IL1RAPL1: variants seen among roughly 807,000 people sequenced by gnomAD.
The protein encoded by IL1RAPL1 is interleukin-1 receptor accessory protein-like 1.
In IL1RAPL1, 3 loss-of-function variants were observed where a neutral mutation model predicts 48.4. The ratio of observed to expected loss-of-function variants is 0.06; its 90% CI spans 0.03 to 0.16. The LOEUF is 0.16. Ranked by LOEUF, IL1RAPL1 falls within the 10% of genes least tolerant of loss-of-function variation. The pLI is 1.00. For missense variants in IL1RAPL1, 349 were observed against 530.6 expected (o/e 0.66, Z 3.36); for synonymous variants, 185 against 187.7 (o/e 0.99, Z 0.12).
intron 3 of IL1RAPL1, among the ~76,000 whole-genome samples, chrX:29,350,819 G>A (rs747759294): frequency 1.8e-5 from 2 of 111,570 alleles, no homozygotes; most frequent in Non-Finnish European, 3.8e-5. Flanking sequence ...TTAGAAGTAC[G>A]TTGGTCTTTA....
intron 1 of IL1RAPL1, among the ~76,000 whole-genome samples, chrX:28,785,479 A>G (rs1294515676): frequency 9.0e-6 from 1 of 111,143 alleles, no homozygotes; most frequent in East Asian, 2.9e-4. Context: ...TGTATCCTTA[A>G]ATATCCTTGC....
At chrX:29,830,391 A>T (rs1195371224) in intron 6 of IL1RAPL1, among the ~76,000 whole-genome samples, 3 of 107,796 alleles carry the variant, frequency 2.8e-5, no homozygotes, top group Non-Finnish European at 5.8e-5. Flanking sequence ...CTTTAAATAT[A>T]TTTTCTTATT....
At chrX:28,840,991 A>G in intron 2 of IL1RAPL1, among the ~76,000 whole-genome samples, 1 of 111,639 alleles carries the variant, frequency 9.0e-6, no homozygotes, top group South Asian at 3.7e-4. Flanking sequence ...GACATACTGA[A>G]TATTAAACCT....
At chrX:28,688,395 C>T (rs1212545146) in intron 1 of IL1RAPL1, among the ~76,000 whole-genome samples, 1 of 110,369 alleles carries the variant, frequency 9.1e-6, no homozygotes, top group East Asian at 2.9e-4. Flanking sequence ...TTTGTAGAAA[C>T]AAGGTCTCCC....
chrX:29,679,849 T>C (rs1441982092), intron 6 of IL1RAPL1, among the ~76,000 whole-genome samples: 3 of 111,901 alleles, frequency 2.7e-5, no homozygotes, highest in Non-Finnish European at 5.6e-5. Flanking sequence ...CGGTGACTAT[T>C]ATGAAAGACA....
At chrX:29,586,612 C>G (rs1305062081) in intron 5 of IL1RAPL1, among the ~76,000 whole-genome samples, 1 of 111,277 alleles carries the variant, frequency 9.0e-6, no homozygotes, top group African/African-American at 3.3e-5. Context: ...TGCATTGAAT[C>G]TATAGATTGC....
chrX:29,032,770 C>T (rs867511861), intron 2 of IL1RAPL1, among the ~76,000 whole-genome samples: 3 of 105,001 alleles, frequency 2.9e-5, no homozygotes, highest in Middle Eastern at 5.0e-3. Context: ...CACACACACA[C>T]ATACAGAGAC....
At chrX:28,743,289 A>G (rs1935933630) in intron 1 of IL1RAPL1, among the ~76,000 whole-genome samples, 2 of 111,694 alleles carry the variant, frequency 1.8e-5, no homozygotes, top group Non-Finnish European at 1.9e-5. Flanking sequence ...TTTAAATCTT[A>G]CAATCATATC....
chrX:29,602,435 TACAAAA>T (rs1351501736), intron 5 of IL1RAPL1, among the ~76,000 whole-genome samples: 6 of 110,978 alleles, frequency 5.4e-5, no homozygotes, highest in Admixed American at 9.6e-5. Context: ...TACAAAAAAA[TACAAAA>T]ATAAAAATAA....
At chrX:29,229,307 A>C (rs888524294) in intron 2 of IL1RAPL1, among the ~76,000 whole-genome samples, 4 of 110,724 alleles carry the variant, frequency 3.6e-5, no homozygotes, top group African/African-American at 1.3e-4. Flanking sequence ...AAAGTGTTGG[A>C]AACTCTGCTT....
At chrX:29,346,782 T>A (rs2147649725) in intron 3 of IL1RAPL1, among the ~76,000 whole-genome samples, 1 of 112,530 alleles carries the variant, frequency 8.9e-6, no homozygotes, top group South Asian at 3.7e-4. Context: ...ATCCTCACTG[T>A]TGGCTATCAA....
chrX:29,016,021 G>T (rs1926233125), intron 2 of IL1RAPL1, among the ~76,000 whole-genome samples: 1 of 111,706 alleles, frequency 9.0e-6, no homozygotes, highest in African/African-American at 3.2e-5. Context: ...ATACAGAACT[G>T]ATAATAATAC....
intron 1 of IL1RAPL1, among the ~76,000 whole-genome samples, chrX:28,727,165 A>T (rs1309205262): frequency 2.7e-5 from 3 of 111,066 alleles, no homozygotes; most frequent in Admixed American, 1.9e-4. Context: ...CCTACCCAGG[A>T]GCATGGAATG....
At chrX:29,648,399 G>A (rs1327701095) in intron 5 of IL1RAPL1, among the ~76,000 whole-genome samples, 2 of 111,732 alleles carry the variant, frequency 1.8e-5, no homozygotes, top group East Asian at 5.7e-4. Flanking sequence ...CACAAAACAG[G>A]TGTTATCCAG....
intron 2 of IL1RAPL1, among the ~76,000 whole-genome samples, chrX:29,186,990 G>A (rs765274336): frequency 8.1e-5 from 9 of 110,779 alleles, no homozygotes; most frequent in South Asian, 3.9e-4. Flanking sequence ...GGGAGGGAGA[G>A]CATCAGGAAG....
chrX:28,945,706 C>T (rs771452751), intron 2 of IL1RAPL1, among the ~76,000 whole-genome samples: 1 of 109,904 alleles, frequency 9.1e-6, no homozygotes, highest in Admixed American at 9.8e-5. Context: ...CCATGGCACA[C>T]GTATACCTAT....
chrX:28,819,581 G>T (rs926425968), intron 2 of IL1RAPL1, among the ~76,000 whole-genome samples: 1 of 110,502 alleles, frequency 9.0e-6, no homozygotes, highest in Admixed American at 9.7e-5. Context: ...TTTGTAATAA[G>T]AAATAGGAAT....
At chrX:29,246,879 C>T (rs1931523569) in intron 2 of IL1RAPL1, among the ~76,000 whole-genome samples, 1 of 110,694 alleles carries the variant, frequency 9.0e-6, no homozygotes, top group Admixed American at 9.7e-5. Flanking sequence ...AGTAGGTAAG[C>T]TGTTGTGTGT....
chrX:28,615,561 C>T (rs1460133361), intron 1 of IL1RAPL1, among the ~76,000 whole-genome samples: 1 of 110,568 alleles, frequency 9.0e-6, no homozygotes, highest in Non-Finnish European at 1.9e-5. Flanking sequence ...TGATAAAAGC[C>T]ATCAACAGGC....
Sources: allele counts gnomAD v4.1 joint callset (sites outside exome capture counted in the v4.1 genomes callset), GRCh38; gene constraint gnomAD v4.1.1; transcripts MANE v1.5; gene names NCBI Gene and HGNC (gene_info 2026-07-23, HGNC 2026-07-21).